The following DESI2 variants were observed in gnomAD, a reference collection of about 807,000 sequenced individuals.
DESI2 encodes desumoylating isopeptidase 2.
In DESI2, 10 loss-of-function variants were observed where a neutral mutation model predicts 24.1. The ratio of observed to expected loss-of-function variants is 0.41; its 90% CI spans 0.26 to 0.70. The LOEUF is 0.70. Among genes scored for constraint, DESI2 ranks in the 30% least tolerant of loss-of-function variants. The probability of loss-of-function intolerance (pLI) is 0.29; values close to 1 mark genes in which losing one functional copy is unlikely to be tolerated. For missense variants in DESI2, 122 were observed against 234.9 expected, an observed-to-expected ratio of 0.52 and a Z score of 3.14; for synonymous variants, 71 against 87.7, an observed-to-expected ratio of 0.81 and a Z score of 1.06.
At chr1:244,671,693 A>T (rs1676253130) in intron 1 of DESI2, among the ~76,000 whole-genome samples, 1 of 152,214 alleles carries the variant, frequency 6.6e-6, no homozygotes, top group Non-Finnish European at 1.5e-5. Context: ...TCTTGCTAAC[A>T]TCCAGTTATA....
Position 244,701,013 on chromosome 1 carries a change from A to AG in DESI2, c.352-4542dup, listed in dbSNP as rs1206724729. Among the ~76,000 whole-genome samples the AG allele has an allele frequency of 1.4e-3, 215 of 152,356 alleles. 2 individuals carry two copies. Among genetic ancestry groups the AG allele is most frequent in the Non-Finnish European group, 6.2e-4 (42 of 68,040 alleles). ...TTTCCAAGCAAAGTGTAGAAGGTGC[A>AG]GCCTGCCTTGTTGCTTATAGTAAAA... is the stretch of plus-strand genomic sequence containing the variant. On this transcript the variant is annotated intron_variant, in intron 4 of 4. Coordinates refer to ENST00000302550, the MANE Select transcript of DESI2 (RefSeq NM_016076.5).
At chr1:244,704,909 C>T (rs1442681613) in intron 4 of DESI2, among the ~76,000 whole-genome samples, 1 of 152,196 alleles carries the variant, frequency 6.6e-6, no homozygotes, top group Admixed American at 6.5e-5. Context: ...TCACCGGCCT[C>T]AGCCTCCCAA....
chr1:244,678,098 G>C (rs2148796591), intron 1 of DESI2, among the ~76,000 whole-genome samples: 1 of 152,290 alleles, frequency 6.6e-6, no homozygotes, highest in Admixed American at 6.5e-5. Flanking sequence ...CTATCTGAGA[G>C]TGGAGGTAAC....
chr1:244,686,691 A>C (rs752795269), intron 2 of DESI2, 22 bp downstream of exon 2: 1 of 1,486,784 alleles, frequency 6.7e-7, no homozygotes, highest in Non-Finnish European at 9.4e-7. Context: ...CACAGTCTAA[A>C]TATACTCTCT....
At chr1:244,657,850 G>A (rs1675700882) in intron 1 of DESI2, among the ~76,000 whole-genome samples, 2 of 152,154 alleles carry the variant, frequency 1.3e-5, no homozygotes, top group South Asian at 4.1e-4. Flanking sequence ...TAATAGAAAG[G>A]AAAAACTTAC....
chr1:244,693,936 A>G (rs1245502653), intron 4 of DESI2, among the ~76,000 whole-genome samples: 2 of 152,264 alleles, frequency 1.3e-5, no homozygotes. Context: ...GGAATTTGAA[A>G]TGATAGATGC....
At chr1:244,696,549 G>C (rs1402433540) in intron 4 of DESI2, among the ~76,000 whole-genome samples, 3 of 152,200 alleles carry the variant, frequency 2.0e-5, no homozygotes, top group Non-Finnish European at 4.4e-5. Context: ...AAGCCCAGGA[G>C]GCAGAGGTTG....
At chr1:244,670,412 TCTATTTA>T (rs1191461594) in intron 1 of DESI2, among the ~76,000 whole-genome samples, 1 of 152,226 alleles carries the variant, frequency 6.6e-6, no homozygotes, top group Non-Finnish European at 1.5e-5. Flanking sequence ...CCAGAACTCG[TCTATTTA>T]CACATGCATA....
chr1:244,694,677 G>A (rs149345090), intron 4 of DESI2: 111 of 762,398 alleles, frequency 1.5e-4, no homozygotes, highest in African/African-American at 1.4e-3. Flanking sequence ...GCACGTGTGC[G>A]TCTTATTGCG....
intron 3 of DESI2, among the ~76,000 whole-genome samples, chr1:244,691,142 A>G (rs367714177): frequency 3.9e-5 from 6 of 152,308 alleles, no homozygotes; most frequent in Admixed American, 6.5e-5. Context: ...TGGCTGGAGT[A>G]CAGTGGTACG....
At chr1:244,653,398 G>T in intron 1 of DESI2, 43 bp downstream of exon 1, 2 of 1,534,722 alleles carry the variant, frequency 1.3e-6, no homozygotes, top group Non-Finnish European at 8.7e-7. Flanking sequence ...GCCCAGGCCG[G>T]CTTCCTCTCG....
At chr1:244,681,968 G>A (rs1676629145) in intron 1 of DESI2, among the ~76,000 whole-genome samples, 1 of 152,180 alleles carries the variant, frequency 6.6e-6, no homozygotes, top group South Asian at 2.1e-4. Context: ...TGTGTCTGGA[G>A]TTTGTTCCTT....
Position 244,691,875 on chromosome 1 carries a change from T to C in DESI2, c.210-4T>C, listed in dbSNP as rs1232653722. 2 of 1,555,746 alleles carry C rather than the reference T, an allele frequency of 1.3e-6. No individual in the cohort carries two copies. Among genetic ancestry groups the C allele is most frequent in the African/African-American group, 2.8e-5 (2 of 71,564 alleles). ...TTCTCTTTTTTTTCTTTTTGTTCTT[T>C]AAGAGAAGCTGTTGTTTTAGGGAGC... On this transcript the variant is annotated splice_polypyrimidine_tract_variant and splice_region_variant and intron_variant, in intron 3 of 4. Transcript: ENST00000302550.
At chr1:244,690,876 C>T (rs1181448751) in intron 3 of DESI2, among the ~76,000 whole-genome samples, 1 of 152,198 alleles carries the variant, frequency 6.6e-6, no homozygotes. Context: ...GTTCATAGTT[C>T]TCTTAGCCTA....
rs996401411 is a variant in DESI2, at chr1:244,653,151, G to A, written c.-163G>A. 1 of 621,856 alleles carries A rather than the reference G, an allele frequency of 1.6e-6. No individual in the cohort carries two copies. Among genetic ancestry groups the A allele is most frequent in the Non-Finnish European group, 2.4e-6 (1 of 422,362 alleles). The allele number at this position is 621,856 out of a possible 1,614,324, so 38.5% of individuals were successfully genotyped here. On this transcript the variant is annotated 5_prime_UTR_variant, in exon 1 of 5. Transcript: ENST00000302550. The stretch of plus-strand genomic sequence containing the variant: ...AGACGCTCCTGTCGGCGGCGCCCGG[G>A]AGCGGCTCGGCTGCCCGATGCTTCC...
intron 4 of DESI2, chr1:244,694,535 T>C (rs559249391): frequency 7.2e-5 from 56 of 777,438 alleles, no homozygotes; most frequent in African/African-American, 6.6e-4. Context: ...GGTGCCTCAT[T>C]CGACCAGTCC....
At chr1:244,662,076 T>C (rs924662107) in intron 1 of DESI2, among the ~76,000 whole-genome samples, 2 of 152,242 alleles carry the variant, frequency 1.3e-5, no homozygotes, top group Non-Finnish European at 2.9e-5. Flanking sequence ...ACCTGTTGTT[T>C]CCTGACTTCT....
chr1:244,659,321 T>C (rs1675757291), intron 1 of DESI2, among the ~76,000 whole-genome samples: 2 of 152,334 alleles, frequency 1.3e-5, no homozygotes, highest in Middle Eastern at 3.4e-3. Flanking sequence ...CACAAATTTA[T>C]CATCTCACAC....
intron 1 of DESI2, 89 bp from the exon 2 acceptor site, chr1:244,686,504 AGAGT>A (rs2148804899): frequency 1.3e-6 from 1 of 786,100 alleles, no homozygotes; most frequent in East Asian, 2.5e-5. Context: ...TGGGAGTTTC[AGAGT>A]GAAAGACTGG....
Sources: gnomAD v4.1 joint callset for allele counts (sites outside exome capture counted in the v4.1 genomes callset) on GRCh38, gnomAD v4.1.1 for gene constraint, MANE v1.5 for transcripts, NCBI Gene and HGNC (gene_info 2026-07-23, HGNC 2026-07-21) for gene names.